Variants in TENM1 observed in about 807,000 individuals in gnomAD.
TENM1 encodes the protein teneurin transmembrane protein 1.
A neutral mutation model predicts 174.8 loss-of-function variants in TENM1; 35 were observed. The ratio of observed to expected loss-of-function variants is 0.20; its 90% CI spans 0.15 to 0.27. The LOEUF is 0.27. Among genes scored for constraint, TENM1 ranks in the 10% least tolerant of loss-of-function variants. The pLI, the probability that TENM1 is intolerant of heterozygous loss-of-function variation, is 1.00. For synonymous variants in TENM1, 781 were observed against 798.7 expected (o/e 0.98, Z 0.37); for missense variants, 1,633 against 2,130.1 (o/e 0.77, Z 4.59).
intron 31 of TENM1, among the ~76,000 whole-genome samples, chrX:124,382,468 CT>C (rs372777235): frequency 7.2e-5 from 8 of 110,925 alleles, no homozygotes; most frequent in African/African-American, 1.6e-4. Flanking sequence ...ACCTGTTAAT[CT>C]TTTTTTTCCC....
chrX:125,171,918 C>T, the TENM1 span, among the ~76,000 whole-genome samples: 2 of 111,308 alleles, frequency 1.8e-5, no homozygotes, highest in Non-Finnish European at 3.8e-5. Context: ...ATAATCTAAT[C>T]CAAATCAATT....
At chrX:124,522,919 C>A (rs2047887791) in intron 17 of TENM1, among the ~76,000 whole-genome samples, 1 of 111,412 alleles carries the variant, frequency 9.0e-6, no homozygotes, top group Non-Finnish European at 1.9e-5. Flanking sequence ...AACTCTCAAC[C>A]TTAGGTGATC....
intron 23 of TENM1, among the ~76,000 whole-genome samples, chrX:124,427,391 C>A (rs979489931): frequency 1.8e-5 from 2 of 112,394 alleles, no homozygotes; most frequent in African/African-American, 6.5e-5. Flanking sequence ...TTAATTTTGC[C>A]TCAAAAATAC....
chrX:124,808,565 T>G (rs2055677271), intron 3 of TENM1, among the ~76,000 whole-genome samples: 1 of 112,279 alleles, frequency 8.9e-6, no homozygotes, highest in Admixed American at 9.4e-5. Flanking sequence ...TTCTCCTGGA[T>G]AGATATGTTA....
intron 4 of TENM1, among the ~76,000 whole-genome samples, chrX:124,727,888 A>G (rs1479135646): frequency 8.9e-6 from 1 of 112,304 alleles, no homozygotes; most frequent in Non-Finnish European, 1.9e-5. Flanking sequence ...TGAAATTCAG[A>G]AAGGTTCAGT....
chrX:124,419,436 T>C (rs2060626364), intron 25 of TENM1, among the ~76,000 whole-genome samples: 2 of 111,737 alleles, frequency 1.8e-5, no homozygotes, highest in African/African-American at 6.5e-5. Context: ...AGTATACTGG[T>C]AAAAAACTCA....
intron 11 of TENM1, among the ~76,000 whole-genome samples, chrX:124,577,332 C>T (rs772727080): frequency 9.0e-6 from 1 of 111,193 alleles, no homozygotes; most frequent in South Asian, 3.8e-4. Context: ...GCCATCATAG[C>T]CCAACAGACC....
chrX:124,401,792 A>G (rs1227333312), intron 27 of TENM1, among the ~76,000 whole-genome samples: 1 of 112,079 alleles, frequency 8.9e-6, no homozygotes, highest in African/African-American at 3.2e-5. Flanking sequence ...CACTAGGAAT[A>G]GGGAGATCGG....
rs144850219 is a variant in TENM1 at position 124,743,850 on chromosome X, G to A, written c.536-6653C>T. On this transcript the variant is annotated intron_variant, in intron 3 of 31. Transcript: ENST00000422452. ...TATTTATATTTTAGTCTCTCTATAAGCTGATACTCATCTTTAGAGGGAGTG... is the reference window on the plus strand; with the variant it reads ...TATTTATATTTTAGTCTCTCTATAAACTGATACTCATCTTTAGAGGGAGTG... Among the ~76,000 whole-genome samples the A allele has an allele frequency of 7.9e-3, 888 of 111,944 alleles. 12 individuals are homozygous for A. Among genetic ancestry groups the A allele is most frequent in the African/African-American group, 0.027 (830 of 30,862 alleles).
chrX:125,182,455 G>GA, the TENM1 span, among the ~76,000 whole-genome samples: 1 of 55,973 alleles, frequency 1.8e-5, no homozygotes, highest in Non-Finnish European at 2.9e-5. Context: ...TCGGCGGGCG[G>GA]GGGGGGGGGC....
the TENM1 span, among the ~76,000 whole-genome samples, chrX:125,065,537 T>C: frequency 2.5e-4 from 28 of 112,265 alleles, no homozygotes; most frequent in African/African-American, 8.1e-4. Flanking sequence ...AAAGACTGCA[T>C]TGACATGGTC....
intron 1 of TENM1, among the ~76,000 whole-genome samples, chrX:124,931,497 A>C (rs1223263497): frequency 9.0e-6 from 1 of 111,244 alleles, no homozygotes; most frequent in Non-Finnish European, 1.9e-5. Context: ...AGGAACCATG[A>C]GGCTGAAACA....
chrX:124,917,515 C>G (rs2057946588), intron 1 of TENM1, among the ~76,000 whole-genome samples: 1 of 111,284 alleles, frequency 9.0e-6, no homozygotes, highest in South Asian at 3.8e-4. Flanking sequence ...CATTTTTTGA[C>G]TTGGATTTTA....
chrX:125,061,642 C>T, the TENM1 span, among the ~76,000 whole-genome samples: 1 of 111,889 alleles, frequency 8.9e-6, no homozygotes, highest in Admixed American at 9.5e-5. Flanking sequence ...TCTGCCTGGG[C>T]GCAGTGGCTC....
intron 11 of TENM1, among the ~76,000 whole-genome samples, chrX:124,640,910 G>A (rs1055567610): frequency 3.0e-5 from 3 of 99,667 alleles, no homozygotes; most frequent in East Asian, 3.2e-4. Context: ...GCAGTGAGCC[G>A]AGATTGCGCC....
At chrX:124,811,429 T>C (rs2055770245) in intron 3 of TENM1, among the ~76,000 whole-genome samples, 1 of 111,437 alleles carries the variant, frequency 9.0e-6, no homozygotes, top group African/African-American at 3.3e-5. Flanking sequence ...ACATCACTAA[T>C]CATCAGGGAA....
intron 1 of TENM1, among the ~76,000 whole-genome samples, chrX:124,900,961 T>C (rs1350110973): frequency 9.1e-6 from 1 of 110,027 alleles, no homozygotes; most frequent in Non-Finnish European, 1.9e-5. Flanking sequence ...CCAGCTAATT[T>C]TTGTATTTTT....
intron 1 of TENM1, among the ~76,000 whole-genome samples, chrX:124,929,538 G>A (rs1038485196): frequency 1.2e-4 from 13 of 111,918 alleles, no homozygotes; most frequent in African/African-American, 1.3e-4. Context: ...CATAAATTGC[G>A]ATAGCTGCCA....
chrX:124,457,802 C>T (rs1435974613), intron 22 of TENM1, among the ~76,000 whole-genome samples: 1 of 111,776 alleles, frequency 8.9e-6, no homozygotes, highest in East Asian at 2.8e-4. Context: ...TGGCAGAAGG[C>T]ATCTCTGTAC....
Sources: allele counts gnomAD v4.1 joint callset (sites outside exome capture counted in the v4.1 genomes callset), GRCh38; gene constraint gnomAD v4.1.1; transcripts MANE v1.5; gene names NCBI Gene and HGNC (gene_info 2026-07-23, HGNC 2026-07-21).